Variants in ARID4A observed in about 807,000 individuals in gnomAD.
ARID4A encodes AT-rich interactive domain-containing protein 4A.
In ARID4A, 39 loss-of-function variants were observed where a neutral mutation model predicts 148.6. The observed-to-expected ratio is 0.26, with a 90% CI of 0.20 to 0.34. The LOEUF (loss-of-function observed/expected upper bound fraction) is 0.34, where lower values mean the gene tolerates loss of function less well. Among genes scored for constraint, ARID4A ranks in the 10% least tolerant of loss-of-function variants. ARID4A has a pLI of 1.00. For synonymous variants in ARID4A, 475 were observed against 481.2 expected, an observed-to-expected ratio of 0.99 and a Z score of 0.17; for missense variants, 1,265 against 1,449.1, an observed-to-expected ratio of 0.87 and a Z score of 2.06.
intron 15 of ARID4A, among the ~76,000 whole-genome samples, chr14:58,349,617 G>C (rs1184571523): frequency 1.3e-5 from 2 of 152,114 alleles, no homozygotes; most frequent in Non-Finnish European, 2.9e-5. Context: ...AGGACGCTGA[G>C]GCAGGAGAAG....
In ARID4A at chr14:58,309,454, T is replaced by C. The variant is rs144692076; in HGVS notation, c.274+3342T>C. On this transcript the variant is annotated intron_variant, in intron 5 of 23. Coordinates refer to ENST00000355431, the MANE Select transcript of ARID4A (RefSeq NM_002892.4). ...ATCTGTAATATGTGGAAGTGTGTTA[T>C]CTGTTCAGTCATTCAAAAGGTGTTA... is the stretch of plus-strand genomic sequence containing the variant. Among the ~76,000 whole-genome samples, 35 of 152,344 alleles carry C rather than the reference T, an allele frequency of 2.3e-4. 1 individual carries two copies. In the East Asian group the frequency reaches 6.5e-3, roughly 28 times the overall value.
At position 58,318,657 on chromosome 14, in the gene ARID4A, A is replaced by G. The variant is rs767364380; in HGVS notation, c.354+36A>G. ...ACGGATGGACGATTTGGATTGAACT[A>G]CAGGTACTGATCTAGAGGTAAAACG... On this transcript the variant is annotated intron_variant, in intron 6 of 23. Transcript: ENST00000355431. The G allele has an allele frequency of 9.9e-6, 16 of 1,613,050 alleles. No individual in the cohort carries two copies. The East Asian group carries it at 2.2e-4, about 22-fold the overall frequency.
chr14:58,351,094 G>C lies in ARID4A; in HGVS notation c.1426G>C (p.Asp476His), dbSNP rs1315785163. 6.3e-7 allele frequency: 1 copy of C among 1,596,842 alleles called. No individual in the cohort carries two copies. Among genetic ancestry groups the C allele is most frequent in the Non-Finnish European group, 8.5e-7 (1 of 1,176,116 alleles). The change falls in exon 16 of 24, where the codon GAT (aspartate) becomes CAT (histidine). Residue 476 changes from aspartate (D) to histidine (H), a missense_variant. Coordinates refer to ENST00000355431, the MANE Select transcript of ARID4A (RefSeq NM_002892.4). ...SPRGRRRIAR[D>H]VNSIKKEIEE... ...CTAGGGACGAAGGAGAATTGCTCGA[G>C]ATGTAAATTCTATTAAAAAGGAAAT...
At chr14:58,318,451 C>T (rs957684311) in intron 5 of ARID4A, 91 bp from the exon 6 acceptor site, 2 of 1,201,452 alleles carry the variant, frequency 1.7e-6, no homozygotes. Context: ...AAATATTAAG[C>T]TCTAATTAAT....
chr14:58,323,999 G>T (rs974878220), intron 8 of ARID4A, among the ~76,000 whole-genome samples: 15 of 148,930 alleles, frequency 1.0e-4, no homozygotes, highest in Admixed American at 5.4e-4. Flanking sequence ...CTGCCTTCCG[G>T]GTTCACGCCA....
intron 3 of ARID4A, among the ~76,000 whole-genome samples, chr14:58,301,958 T>C (rs1274396358): frequency 6.6e-6 from 1 of 152,226 alleles, no homozygotes; most frequent in East Asian, 1.9e-4. Context: ...CTGTAATCTA[T>C]TTTCTCCCCT....
At chr14:58,328,368 A>C in intron 9 of ARID4A, 52 bp downstream of exon 9, 1 of 1,215,398 alleles carries the variant, frequency 8.2e-7, no homozygotes, top group Non-Finnish European at 1.2e-6. Context: ...AAAAAATAGA[A>C]TTACAATGAT....
intron 16 of ARID4A, 123 bp from the exon 17 acceptor site, chr14:58,353,535 C>T: frequency 1.3e-6 from 1 of 790,868 alleles, no homozygotes; most frequent in Non-Finnish European, 2.0e-6. Flanking sequence ...TCTTCTCCTC[C>T]TCCACTGATA....
intron 17 of ARID4A, 114 bp downstream of exon 17, chr14:58,353,969 C>G (rs1594948285): frequency 3.1e-6 from 3 of 964,060 alleles, no homozygotes; most frequent in East Asian, 2.6e-5. Context: ...CAAAGCACAC[C>G]TTGGTTCTGA....
intron 19 of ARID4A, among the ~76,000 whole-genome samples, chr14:58,361,602 CTA>C (rs1003037574): frequency 6.6e-5 from 10 of 152,134 alleles, no homozygotes; most frequent in African/African-American, 2.4e-4. Flanking sequence ...TGTGGGGAAA[CTA>C]AGCAGCAAGG....
In ARID4A at chr14:58,347,887, T is replaced by G. The variant is rs1460463043; in HGVS notation, c.1404+9T>G. ...AATTAAAATCTCCGAGGGTGAGTTCTTAATACTAGTTTTATCTGGTTTAAG... is the reference window on the plus strand; with the variant it reads ...AATTAAAATCTCCGAGGGTGAGTTCGTAATACTAGTTTTATCTGGTTTAAG... On this transcript the variant is annotated intron_variant, in intron 15 of 23. Coordinates refer to ENST00000355431, the MANE Select transcript of ARID4A (RefSeq NM_002892.4). 2.6e-5 allele frequency: 41 copies of G among 1,570,668 alleles called. No homozygotes were observed. The highest frequency in any genetic ancestry group is 3.5e-5 in the Non-Finnish European group (40 of 1,150,738).
intron 11 of ARID4A, among the ~76,000 whole-genome samples, chr14:58,337,188 AG>A (rs1472881136): frequency 6.9e-6 from 1 of 145,134 alleles, no homozygotes; most frequent in East Asian, 2.0e-4. Flanking sequence ...CACTGCGCCC[AG>A]CCCCAAAGTG....
In ARID4A at chr14:58,323,474, C is replaced by T. The variant is rs371437846; in HGVS notation, c.450-11C>T. 9.4e-6 allele frequency: 15 copies of T among 1,602,930 alleles called. No homozygotes were observed. The South Asian group carries it at 1.2e-4, about 13-fold the overall frequency. The stretch of plus-strand genomic sequence containing the variant: ...GTGTTAGGATAATGATCAAGTTATT[C>T]TAACTTTTAGTACTGAAGATGAAAA... On this transcript the variant is annotated splice_polypyrimidine_tract_variant and intron_variant, in intron 7 of 23. Coordinates refer to ENST00000355431, the MANE Select transcript of ARID4A (RefSeq NM_002892.4).
chr14:58,303,485 T>C (rs922426260), intron 3 of ARID4A: 2 of 469,286 alleles, frequency 4.3e-6, no homozygotes, highest in African/African-American at 4.0e-5. Flanking sequence ...TATTGGATCA[T>C]GCTGTATTGC....
intron 23 of ARID4A, among the ~76,000 whole-genome samples, chr14:58,370,533 G>A (rs2035559752): frequency 6.6e-6 from 1 of 152,170 alleles, no homozygotes; most frequent in Admixed American, 6.5e-5. Context: ...CTGATCCCAA[G>A]TAATCTGCCC....
At chr14:58,310,357 C>G (rs2031934183) in intron 5 of ARID4A, among the ~76,000 whole-genome samples, 2 of 152,084 alleles carry the variant, frequency 1.3e-5, no homozygotes, top group Non-Finnish European at 2.9e-5. Flanking sequence ...GACATACCAC[C>G]TGATTTCAAA....
At chr14:58,321,320 T>C (rs916873741) in intron 7 of ARID4A, among the ~76,000 whole-genome samples, 1 of 152,218 alleles carries the variant, frequency 6.6e-6, no homozygotes, top group Non-Finnish European at 1.5e-5. Flanking sequence ...TTGCTACATT[T>C]TTTGGTTATC....
At chr14:58,342,044 A>G (rs891350588) in intron 11 of ARID4A, among the ~76,000 whole-genome samples, 1 of 152,216 alleles carries the variant, frequency 6.6e-6, no homozygotes, top group African/African-American at 2.4e-5. Context: ...CGTGATAGCA[A>G]TTAAGAGCCC....
At chr14:58,313,507 G>A (rs775968084) in intron 5 of ARID4A, among the ~76,000 whole-genome samples, 2 of 152,080 alleles carry the variant, frequency 1.3e-5, no homozygotes, top group Non-Finnish European at 2.9e-5. Context: ...CCTGCTGTCC[G>A]GTCCGGTTAC....
Sources: gnomAD v4.1 joint callset for allele counts (sites outside exome capture counted in the v4.1 genomes callset) on GRCh38, gnomAD v4.1.1 for gene constraint, MANE v1.5 for transcripts, NCBI Gene and HGNC (gene_info 2026-07-23, HGNC 2026-07-21) for gene names.